Variants in PPP1R3D observed in about 807,000 individuals in gnomAD.
PPP1R3D encodes PP1 subunit R6.
Under a neutral mutation model 16.3 loss-of-function variants are expected in PPP1R3D, and 27 were observed. The ratio of observed to expected loss-of-function variants is 1.66; its 90% CI spans 1.22 to 2.29. PPP1R3D has a LOEUF of 2.29. Among genes scored for constraint, PPP1R3D ranks in the 30% most tolerant of loss-of-function variants. PPP1R3D has a pLI of 0.00. For missense variants in PPP1R3D, 472 were observed against 438.3 expected, an observed-to-expected ratio of 1.08 and a Z score of -0.69; for synonymous variants, 223 against 209.7, an observed-to-expected ratio of 1.06 and a Z score of -0.55.
Position 59,939,874 on chromosome 20 carries a change from C to G in PPP1R3D, c.58G>C (p.Gly20Arg). 1 of 1,248,192 alleles carries G rather than the reference C, an allele frequency of 8.0e-7. No individual in the cohort carries two copies. Among genetic ancestry groups the G allele is most frequent in the Non-Finnish European group, 1.0e-6 (1 of 994,764 alleles). The allele number at this position is 1,248,192 out of a possible 1,614,324, so 77.3% of individuals were successfully genotyped here. A position where few individuals can be genotyped will look rare whatever the true frequency, so the allele number is the denominator to read the frequency against. ...GACAGGCAGCTGAGGCTCCGGGGGC[C>G]GAGCTTCCGGGATCCCAGGGCGCTA... ...LPSALGSRKL[G>R]PRSLSCLSDL... Residue 20 changes from glycine to arginine, a missense_variant, in exon 1 of 1, where the codon GGC becomes CGC. Coordinates refer to ENST00000370996, the MANE Select transcript of PPP1R3D (RefSeq NM_006242.4).
In PPP1R3D at chr20:59,938,518, C is replaced by T. The variant is rs895906266; in HGVS notation, c.*514G>A. 4.6e-5 allele frequency: 7 copies of T among 152,448 alleles called. No individual in the cohort carries two copies. The highest frequency in any genetic ancestry group is 1.7e-4 in the African/African-American group (7 of 41,392). The allele number at this position is 152,448 out of a possible 1,614,324, so 9.4% of individuals were successfully genotyped here. On this transcript the variant is annotated 3_prime_UTR_variant, in exon 1 of 1. Transcript: ENST00000370996. The stretch of plus-strand genomic sequence containing the variant: ...GGGGCAGGAATGCCTGGAGGGACCA[C>T]GATGTGGGTCACACTGTACATTCTG...
chr20:59,939,549 G>A lies in PPP1R3D; in HGVS notation c.383C>T (p.Pro128Leu). The change falls in exon 1 of 1, where the codon CCG (proline) becomes CTG (leucine). Residue 128 changes from proline to leucine, a missense_variant. By Grantham distance (98) the Pro-to-Leu change is moderately conservative (BLOSUM62 -3). Transcript: ENST00000370996. The part of the protein sequence containing the change: ...VFNAGDDPSV[P>L]LHVLSRLAIN... ...TGCGAGCCGCGACAGCACGTGCAGC[G>A]GCACGGACGGGTCGTCTCCCGCGTT... The A allele has an allele frequency of 6.2e-7, 1 of 1,611,760 alleles. No individual in the cohort carries two copies. Among genetic ancestry groups the A allele is most frequent in the Non-Finnish European group, 8.5e-7 (1 of 1,179,504 alleles).
Position 59,939,398 on chromosome 20 carries a change from G to T in PPP1R3D, c.534C>A (p.Cys178Ter), listed in dbSNP as rs980601297. ...FGERLQRQLV[C>*]LERVTCSDLG... is the part of the protein sequence containing the mutation. The stretch of plus-strand genomic sequence containing the variant: ...GGTCCGAGCAAGTGACACGCTCCAG[G>T]CACACGAGCTGCCGCTGCAGGCGCT... Residue 178 changes from cysteine (C) to a stop codon, truncating the protein, a stop_gained, in exon 1 of 1, where the codon TGC becomes TGA. Transcript: ENST00000370996. LOFTEE classifies it high-confidence loss of function. 1.2e-6 allele frequency: 2 copies of T among 1,610,432 alleles called. No individual in the cohort carries two copies. The highest frequency in any genetic ancestry group is 1.3e-5 in the African/African-American group (1 of 74,910).
In PPP1R3D at chr20:59,939,666, G is replaced by A. The variant is rs768627326; in HGVS notation, c.266C>T (p.Pro89Leu). The stretch of plus-strand genomic sequence containing the variant: ...GCAGCCCGGCCGACACGCAGCGCCC[G>A]GCGCGCCCGCGGCCTTCTGGCGGCG... ...PERRQKAAGAPGAACRPGCSQ... is the reference protein window; with the variant it reads ...PERRQKAAGALGAACRPGCSQ... The change falls in exon 1 of 1, where the codon CCG (proline) becomes CTG (leucine). Residue 89 changes from proline (P) to leucine (L), a missense_variant. Physicochemically the swap from Pro to Leu is moderately conservative, Grantham distance 98 (BLOSUM62 -3). Transcript: ENST00000370996. The A allele has an allele frequency of 5.4e-6, 8 of 1,480,648 alleles. No homozygotes were observed. Among genetic ancestry groups the A allele is most frequent in the Non-Finnish European group, 7.1e-6 (8 of 1,121,858 alleles). The allele number at this position is 1,480,648 out of a possible 1,614,324, so 91.7% of individuals were successfully genotyped here.
At position 59,938,973 on chromosome 20, in the gene PPP1R3D, G is replaced by A. The variant is rs2060878483; in HGVS notation, c.*59C>T. On this transcript the variant is annotated 3_prime_UTR_variant, in exon 1 of 1. Transcript: ENST00000370996. ...CAGATAGATGTGAGAGCCCAGCAGG[G>A]AAATGACAGGAGGCGCAGCTTAGGT... 5.5e-5 allele frequency: 79 copies of A among 1,428,882 alleles called. No homozygotes were observed. The highest frequency in any genetic ancestry group is 7.2e-5 in the Non-Finnish European group (78 of 1,086,066). 88.5% of individuals were successfully genotyped at this position (1,428,882 alleles called of 1,614,324 possible). A position where few individuals can be genotyped will look rare whatever the true frequency, so the allele number is the denominator to read the frequency against.
rs1464550773 is a variant in PPP1R3D at position 59,940,055 on chromosome 20, CG to C, written c.-125del. ...TATCTGCAACCTGCGGGGGACCTCT[CG>C]GGCCCGGTGCGCCCTACCCTTGGTT... On this transcript the variant is annotated 5_prime_UTR_variant, in exon 1 of 1. Coordinates refer to ENST00000370996, the MANE Select transcript of PPP1R3D (RefSeq NM_006242.4). 56 of 810,192 alleles carry C rather than the reference CG, an allele frequency of 6.9e-5. No individual in the cohort carries two copies. Among genetic ancestry groups the C allele is most frequent in the Non-Finnish European group, 9.1e-5 (54 of 591,306 alleles). 50.2% of individuals were successfully genotyped at this position (810,192 alleles called of 1,614,324 possible). A position where few individuals can be genotyped will look rare whatever the true frequency, so the allele number is the denominator to read the frequency against.
In PPP1R3D at chr20:59,938,801, T is replaced by A; in HGVS notation, c.*231A>T. On this transcript the variant is annotated 3_prime_UTR_variant, in exon 1 of 1. Transcript: ENST00000370996. ...TACCCCACCACCCTGCCCCAACTCATTACACAACTCGGCCTTCTGGCCACC... is the reference window on the plus strand; with the variant it reads ...TACCCCACCACCCTGCCCCAACTCAATACACAACTCGGCCTTCTGGCCACC... The A allele has an allele frequency of 2.3e-5, 8 of 349,110 alleles. No homozygotes were observed. Among genetic ancestry groups the A allele is most frequent in the East Asian group, 4.6e-5 (1 of 21,744 alleles). The allele number at this position is 349,110 out of a possible 1,614,324, so 21.6% of individuals were successfully genotyped here. A position where few individuals can be genotyped will look rare whatever the true frequency, so the allele number is the denominator to read the frequency against.
In PPP1R3D at chr20:59,938,401, A is replaced by G. The variant is rs190171257; in HGVS notation, c.*631T>C. 6.6e-6 allele frequency: 1 copy of G among 152,366 alleles called. No individual in the cohort carries two copies. Among genetic ancestry groups the G allele is most frequent in the East Asian group, 1.9e-4 (1 of 5,184 alleles). The allele number at this position is 152,366 out of a possible 1,614,324, so 9.4% of individuals were successfully genotyped here. A position where few individuals can be genotyped will look rare whatever the true frequency, so the allele number is the denominator to read the frequency against. ...CAGGAATGGTTGTGTGATGACTGAT[A>G]AAGCAGAAATTTCTTGCCTATTAAT... On this transcript the variant is annotated 3_prime_UTR_variant, in exon 1 of 1. Transcript: ENST00000370996.
In PPP1R3D at chr20:59,939,139, C is replaced by A; in HGVS notation, c.793G>T (p.Glu265Ter). 1 of 1,603,494 alleles carries A rather than the reference C, an allele frequency of 6.2e-7. No individual in the cohort carries two copies. Among genetic ancestry groups the A allele is most frequent in the Non-Finnish European group, 8.5e-7 (1 of 1,176,316 alleles). ...FAVRYQVAGAEYWDNNDHRDY... is the reference protein window; with the variant it reads ...FAVRYQVAGA ...CGGTGGTCGTTGTTGTCCCAGTACTCGGCACCCGCCACTTGGTAGCGCACC... is the reference window on the plus strand; with the variant it reads ...CGGTGGTCGTTGTTGTCCCAGTACTAGGCACCCGCCACTTGGTAGCGCACC... Residue 265 changes from glutamate to a stop codon, truncating the protein, a stop_gained, in exon 1 of 1, where the codon GAG (glutamate) becomes TAG (stop). Transcript: ENST00000370996. LOFTEE classifies it high-confidence loss of function.
chr20:59,938,973 G>T lies in PPP1R3D; in HGVS notation c.*59C>A. On this transcript the variant is annotated 3_prime_UTR_variant, in exon 1 of 1. Coordinates refer to ENST00000370996, the MANE Select transcript of PPP1R3D (RefSeq NM_006242.4). ...CAGATAGATGTGAGAGCCCAGCAGG[G>T]AAATGACAGGAGGCGCAGCTTAGGT... 1.4e-6 allele frequency: 2 copies of T among 1,428,996 alleles called. No homozygotes were observed. Among genetic ancestry groups the T allele is most frequent in the Non-Finnish European group, 1.8e-6 (2 of 1,086,054 alleles). 88.5% of individuals were successfully genotyped at this position (1,428,996 alleles called of 1,614,324 possible).
Position 59,939,658 on chromosome 20 carries a change from C to CA in PPP1R3D, c.273dup (p.Ala92CysfsTer266). Reference sequence around the variant, plus strand: ...TTCTGGCTGCAGCCCGGCCGACACGCAGCGCCCGGCGCGCCCGCGGCCTTC... The same window carrying CA: ...TTCTGGCTGCAGCCCGGCCGACACGCAAGCGCCCGGCGCGCCCGCGGCCTTC... On this transcript the variant is annotated frameshift_variant, in exon 1 of 1. Transcript: ENST00000370996. LOFTEE classifies it high-confidence loss of function. 5 of 1,502,812 alleles carry CA rather than the reference C, an allele frequency of 3.3e-6. No homozygotes were observed. Among genetic ancestry groups the CA allele is most frequent in the Non-Finnish European group, 4.4e-6 (5 of 1,131,746 alleles). The allele number at this position is 1,502,812 out of a possible 1,614,324, so 93.1% of individuals were successfully genotyped here. A position where few individuals can be genotyped will look rare whatever the true frequency, so the allele number is the denominator to read the frequency against.
In PPP1R3D at chr20:59,940,191, A is replaced by G. The variant is rs562277384; in HGVS notation, c.-260T>C. On this transcript the variant is annotated 5_prime_UTR_variant, in exon 1 of 1. Coordinates refer to ENST00000370996, the MANE Select transcript of PPP1R3D (RefSeq NM_006242.4). Reference sequence around the variant, plus strand: ...TGGAAGCTTTCAGAGGCCTCCCGGGAGCGCAGGGTAGCGCCTCTTTTTTCT... The same window carrying G: ...TGGAAGCTTTCAGAGGCCTCCCGGGGGCGCAGGGTAGCGCCTCTTTTTTCT... 420 of 359,278 alleles carry G rather than the reference A, an allele frequency of 1.2e-3. 1 individual carries two copies. Among genetic ancestry groups the G allele is most frequent in the Non-Finnish European group, 1.9e-3 (363 of 192,358 alleles). 22.3% of individuals were successfully genotyped at this position (359,278 alleles called of 1,614,324 possible).
rs1332885743 is a variant in PPP1R3D at position 59,940,150 on chromosome 20, G to A, written c.-219C>T. ...TGCGGTTAAAGAAATTGTAAGAGTGGGGAGTTTTTCTCTAGTGGAAGCTTT... is the reference window on the plus strand; with the variant it reads ...TGCGGTTAAAGAAATTGTAAGAGTGAGGAGTTTTTCTCTAGTGGAAGCTTT... On this transcript the variant is annotated 5_prime_UTR_variant, in exon 1 of 1. Coordinates refer to ENST00000370996, the MANE Select transcript of PPP1R3D (RefSeq NM_006242.4). 9.9e-6 allele frequency: 4 copies of A among 405,760 alleles called. No homozygotes were observed. Among genetic ancestry groups the A allele is most frequent in the African/African-American group, 4.1e-5 (2 of 48,250 alleles). 25.1% of individuals were successfully genotyped at this position (405,760 alleles called of 1,614,324 possible).
rs2060875354 is a variant in PPP1R3D at position 59,938,479 on chromosome 20, G to A, written c.*553C>T. 2 of 152,444 alleles carry A rather than the reference G, an allele frequency of 1.3e-5. No homozygotes were observed. The highest frequency in any genetic ancestry group is 1.9e-4 in the East Asian group (1 of 5,188). 9.4% of individuals were successfully genotyped at this position (152,444 alleles called of 1,614,324 possible). A position where few individuals can be genotyped will look rare whatever the true frequency, so the allele number is the denominator to read the frequency against. On this transcript the variant is annotated 3_prime_UTR_variant, in exon 1 of 1. Coordinates refer to ENST00000370996, the MANE Select transcript of PPP1R3D (RefSeq NM_006242.4). ...CGTTGGCAATCAGATGTGGGCTCAG[G>A]TTTTCCTTATCCTGGGGCAGGAATG...
chr20:59,939,493 C>A lies in PPP1R3D; in HGVS notation c.439G>T (p.Asp147Tyr). The change falls in exon 1 of 1, where the codon GAC becomes TAC. Residue 147 changes from aspartate (D) to tyrosine (Y), a missense_variant. Coordinates refer to ENST00000370996, the MANE Select transcript of PPP1R3D (RefSeq NM_006242.4). ...INSDLCCSSQ[D>Y]LEFTLHCLVP... ...AGGCAATGCAGGGTGAACTCCAGGTCCTGGCTGCTGCAGCACAGGTCCGAG... is the reference window on the plus strand; with the variant it reads ...AGGCAATGCAGGGTGAACTCCAGGTACTGGCTGCTGCAGCACAGGTCCGAG... 1 of 1,612,244 alleles carries A rather than the reference C, an allele frequency of 6.2e-7. No homozygotes were observed. Among genetic ancestry groups the A allele is most frequent in the Non-Finnish European group, 8.5e-7 (1 of 1,179,758 alleles).
Position 59,939,435 on chromosome 20 carries a change from G to T in PPP1R3D, c.497C>A (p.Ala166Asp). The change falls in exon 1 of 1, where the codon GCC becomes GAC. Residue 166 changes from alanine (A) to aspartate (D), a missense_variant. Coordinates refer to ENST00000370996, the MANE Select transcript of PPP1R3D (RefSeq NM_006242.4). ...VPDFPPPVEAADFGERLQRQL... is the reference protein window; with the variant it reads ...VPDFPPPVEADDFGERLQRQL... ...CCGCTGCAGGCGCTCGCCAAAGTCGGCGGCCTCGACGGGCGGCGGGAAATC... is the reference window on the plus strand; with the variant it reads ...CCGCTGCAGGCGCTCGCCAAAGTCGTCGGCCTCGACGGGCGGCGGGAAATC... 1 of 1,611,446 alleles carries T rather than the reference G, an allele frequency of 6.2e-7. No homozygotes were observed. Among genetic ancestry groups the T allele is most frequent in the South Asian group, 1.1e-5 (1 of 91,012 alleles).
rs2060884831 is a variant in PPP1R3D, at chr20:59,939,498, C to T, written c.434G>A (p.Ser145Asn). Residue 145 changes from serine (S) to asparagine (N), a missense_variant, in exon 1 of 1, where the codon AGC (serine) becomes AAC (asparagine). Transcript: ENST00000370996. ...ATGCAGGGTGAACTCCAGGTCCTGG[C>T]TGCTGCAGCACAGGTCCGAGTTGAT... ...LAINSDLCCSSQDLEFTLHCL... is the reference protein window; with the variant it reads ...LAINSDLCCSNQDLEFTLHCL... The T allele has an allele frequency of 6.2e-7, 1 of 1,612,248 alleles. No homozygotes were observed. The highest frequency in any genetic ancestry group is 8.5e-7 in the Non-Finnish European group (1 of 1,179,776).
chr20:59,940,055 C>T lies in PPP1R3D; in HGVS notation c.-124G>A. The T allele has an allele frequency of 1.2e-6, 1 of 810,310 alleles. No individual in the cohort carries two copies. The highest frequency in any genetic ancestry group is 1.7e-6 in the Non-Finnish European group (1 of 591,298). The allele number at this position is 810,310 out of a possible 1,614,324, so 50.2% of individuals were successfully genotyped here. On this transcript the variant is annotated 5_prime_UTR_variant, in exon 1 of 1. Coordinates refer to ENST00000370996, the MANE Select transcript of PPP1R3D (RefSeq NM_006242.4). ...TATCTGCAACCTGCGGGGGACCTCT[C>T]GGGCCCGGTGCGCCCTACCCTTGGT... is the stretch of plus-strand genomic sequence containing the variant.
Position 59,939,155 on chromosome 20 carries a change from G to A in PPP1R3D, c.777C>T (p.Tyr259=), listed in dbSNP as rs1004128050. The A allele has an allele frequency of 6.2e-7, 1 of 1,611,636 alleles. No homozygotes were observed. The highest frequency in any genetic ancestry group is 1.3e-5 in the African/African-American group (1 of 74,906). ...LGSRVHFAVR[Y]QVAGAEYWDN... The stretch of plus-strand genomic sequence containing the variant: ...CCCAGTACTCGGCACCCGCCACTTG[G>A]TAGCGCACCGCGAAGTGCACGCGGG... Residue 259 remains tyrosine (Y), a synonymous_variant, in exon 1 of 1, where the codon TAC becomes TAT. Transcript: ENST00000370996.
Sources: gnomAD v4.1 joint callset for allele counts on GRCh38, gnomAD v4.1.1 for gene constraint, MANE v1.5 for transcripts, NCBI Gene and HGNC (gene_info 2026-07-23, HGNC 2026-07-21) for gene names.